FBXW5: variants seen among roughly 807,000 people sequenced by gnomAD.
The protein encoded by FBXW5 is F-box/WD repeat-containing protein 5.
A neutral mutation model predicts 50.9 loss-of-function variants in FBXW5; 74 were observed. The ratio of observed to expected loss-of-function variants is 1.45; its 90% CI spans 1.20 to 1.76. The LOEUF (loss-of-function observed/expected upper bound fraction) is 1.76. Among genes scored for constraint, FBXW5 ranks in the 40% most tolerant of loss-of-function variants. The pLI, the probability that FBXW5 is intolerant of heterozygous loss-of-function variation, is 0.00. For missense variants in FBXW5, 1,073 were observed against 818.8 expected, an observed-to-expected ratio of 1.31 and a Z score of -3.79; for synonymous variants, 523 against 362.2, an observed-to-expected ratio of 1.44 and a Z score of -5.04.
intron 1 of FBXW5, 173 bp from the exon 2 acceptor site, chr9:136,944,279 G>C (rs1168764294): frequency 7.9e-6 from 6 of 758,140 alleles, no homozygotes; most frequent in Non-Finnish European, 1.1e-5. Flanking sequence ...CGGGCGGGCC[G>C]GGCCGGCCCC....
At position 136,941,394 on chromosome 9, in the gene FBXW5, T is replaced by G; in HGVS notation, c.1314A>C (p.Pro438=). ...AVVADPMQPP[P]IAEEIDLLVF... ...CCAGCAGGTCAATCTCCTCCGCGATTGGTGGCGGCTGCATGGGGTCGGCCA... is the reference window on the plus strand; with the variant it reads ...CCAGCAGGTCAATCTCCTCCGCGATGGGTGGCGGCTGCATGGGGTCGGCCA... Residue 438 remains proline, a synonymous_variant, in exon 8 of 9, where the codon CCA becomes CCC. Transcript: ENST00000325285. 1 of 1,611,236 alleles carries G rather than the reference T, an allele frequency of 6.2e-7. No individual in the cohort carries two copies. The highest frequency in any genetic ancestry group is 8.5e-7 in the Non-Finnish European group (1 of 1,179,886).
chr9:136,941,206 C>T, intron 8 of FBXW5, 35 bp from the exon 9 acceptor site: 2 of 1,598,032 alleles, frequency 1.3e-6, no homozygotes, highest in Non-Finnish European at 1.7e-6. Context: ...CGGCCGCCCG[C>T]CCGCTGCTGC....
rs757697988 is a variant in FBXW5 at position 136,941,604 on chromosome 9, CGAA to C, written c.1174_1176del (p.Phe392del). Reference sequence around the variant, plus strand: ...ATGTCTATGACGTGGTCCAGCGCGTCGAAGAAGGCATCGGAGCCCCGGCCCTCA... The same window carrying C: ...ATGTCTATGACGTGGTCCAGCGCGTCGAAGGCATCGGAGCCCCGGCCCTCA... On this transcript the variant is annotated inframe_deletion, in exon 7 of 9. Coordinates refer to ENST00000325285, the MANE Select transcript of FBXW5 (RefSeq NM_018998.4). The C allele has an allele frequency of 3.7e-6, 6 of 1,600,728 alleles. No individual in the cohort carries two copies. The African/African-American group carries it at 5.4e-5, about 14-fold the overall frequency.
At position 136,941,361 on chromosome 9, in the gene FBXW5, G is replaced by A; in HGVS notation, c.1347C>T (p.Asp449=). 1.2e-6 allele frequency: 2 copies of A among 1,611,710 alleles called. No individual in the cohort carries two copies. The highest frequency in any genetic ancestry group is 1.3e-5 in the African/African-American group (1 of 75,052). ...IAEEIDLLVF[D]LKTMREVRRA... ...GCCTCACCTCCCGCATGGTCTTGAG[G>A]TCGAACACCAGCAGGTCAATCTCCT... is the stretch of plus-strand genomic sequence containing the variant. The change falls in exon 8 of 9, where the codon GAC becomes GAT. Residue 449 remains aspartate (D), a synonymous_variant. Coordinates refer to ENST00000325285, the MANE Select transcript of FBXW5 (RefSeq NM_018998.4).
chr9:136,943,274 G>C, intron 3 of FBXW5, 75 bp downstream of exon 3: 1 of 1,373,628 alleles, frequency 7.3e-7, no homozygotes, highest in East Asian at 2.3e-5. Flanking sequence ...CCACCTGGTT[G>C]GAACGCCTGG....
chr9:136,943,087 A>C (rs890868807), intron 3 of FBXW5, 144 bp from the exon 4 acceptor site: 27 of 1,317,720 alleles, frequency 2.0e-5, no homozygotes, highest in African/African-American at 2.9e-5. Flanking sequence ...ACTGTCATCC[A>C]CTCGGGGGGC....
chr9:136,943,539 G>T (rs200304281), intron 2 of FBXW5, 33 bp from the exon 3 acceptor site: 1 of 1,584,288 alleles, frequency 6.3e-7, no homozygotes, highest in Non-Finnish European at 8.6e-7. Context: ...CCTGGGCCCG[G>T]GCCTTCCTCG....
chr9:136,944,428 G>A (rs1438304485), intron 1 of FBXW5, 166 bp downstream of exon 1: 2 of 884,254 alleles, frequency 2.3e-6, no homozygotes, highest in Admixed American at 6.0e-5. Flanking sequence ...GGAAGCTCGG[G>A]GCGGCCAGGC....
At position 136,942,703 on chromosome 9, in the gene FBXW5, G is replaced by A; in HGVS notation, c.527-8C>T. 6.2e-7 allele frequency: 1 copy of A among 1,611,024 alleles called. No homozygotes were observed. On this transcript the variant is annotated splice_polypyrimidine_tract_variant and splice_region_variant and intron_variant, in intron 4 of 8. Transcript: ENST00000325285. ...ACAGCAGCGCGAAGGAGTCTGTGGG[G>A]AGGCCGGGGCTGGACAGGCTGTCGG...
rs780820222 is a variant in FBXW5, at chr9:136,943,439, C to A, written c.261G>T (p.Thr87=). Residue 87 remains threonine, a synonymous_variant, in exon 3 of 9, where the codon ACG becomes ACT. Coordinates refer to ENST00000325285, the MANE Select transcript of FBXW5 (RefSeq NM_018998.4). ...YDTVPCVEVQ[T]LREHTDQVLH... is the part of the protein sequence containing the mutation. The stretch of plus-strand genomic sequence containing the variant: ...GGACCTGGTCTGTGTGTTCCCGCAG[C>A]GTCTGCACCTCCACGCAGGGCACCG... 2.5e-6 allele frequency: 4 copies of A among 1,612,714 alleles called. No homozygotes were observed. Among genetic ancestry groups the A allele is most frequent in the Non-Finnish European group, 3.4e-6 (4 of 1,179,952 alleles).
At chr9:136,942,739 G>T (rs566561880) in intron 4 of FBXW5, 30 bp downstream of exon 4, 1 of 1,611,832 alleles carries the variant, frequency 6.2e-7, no homozygotes, top group East Asian at 2.2e-5. Context: ...CGTGGGGCGG[G>T]GGCAGGGTCA....
In FBXW5 at chr9:136,943,974, T is replaced by C. The variant is rs1850923816; in HGVS notation, c.110A>G (p.Gln37Arg). Reference protein sequence around the residue: ...LAAGLVCRQWQAVSRDEFLWR... With the variant: ...LAAGLVCRQWRAVSRDEFLWR... ...CAGGAACTCGTCCCGCGACACGGCC[T>C]GCCATTGGCGGCACACCAGCCCGGC... The change falls in exon 2 of 9, where the codon CAG becomes CGG. Residue 37 changes from glutamine to arginine, a missense_variant. By Grantham distance (43) the Gln-to-Arg change is conservative. Transcript: ENST00000325285. 2 of 1,577,040 alleles carry C rather than the reference T, an allele frequency of 1.3e-6. No homozygotes were observed. The highest frequency in any genetic ancestry group is 1.7e-6 in the Non-Finnish European group (2 of 1,162,596).
At position 136,942,604 on chromosome 9, in the gene FBXW5, C is replaced by G; in HGVS notation, c.618G>C (p.Leu206=). The part of the protein sequence containing the change: ...LTETSLISGN[L]HRIGDITSCS... ...AGGAGGTGATATCTCCGATGCGGTG[C>G]AGGTTCCCCGAGATGAGGCTGGTCT... is the stretch of plus-strand genomic sequence containing the variant. The change falls in exon 5 of 9, where the codon CTG becomes CTC. Residue 206 remains leucine (L), a synonymous_variant. Coordinates refer to ENST00000325285, the MANE Select transcript of FBXW5 (RefSeq NM_018998.4). 6.2e-7 allele frequency: 1 copy of G among 1,610,970 alleles called. No individual in the cohort carries two copies. Among genetic ancestry groups the G allele is most frequent in the Non-Finnish European group, 8.5e-7 (1 of 1,179,152 alleles).
In FBXW5 at chr9:136,942,654, C is replaced by T. The variant is rs1850831839; in HGVS notation, c.568G>A (p.Asp190Asn). 6.2e-7 allele frequency: 1 copy of T among 1,610,076 alleles called. No homozygotes were observed. The highest frequency in any genetic ancestry group is 2.2e-5 in the East Asian group (1 of 44,754). ...TCGGTGAGCCAACAGCCAAACACGT[C>T]ATAGGGCTTGTTCCGCACGCGGGAC... ...LLSRVRNKPYDVFGCWLTETS... is the reference protein window; with the variant it reads ...LLSRVRNKPYNVFGCWLTETS... Residue 190 changes from aspartate to asparagine, a missense_variant, in exon 5 of 9, where the codon GAC (aspartate) becomes AAC (asparagine). Transcript: ENST00000325285.
At position 136,944,410 on chromosome 9, in the gene FBXW5, C is replaced by T. The variant is rs528579036; in HGVS notation, c.-24+184G>A. 1.3e-3 allele frequency: 1,045 copies of T among 830,426 alleles called. 12 individuals are homozygous for T. The African/African-American group carries it at 0.016, about 12-fold the overall frequency. 51.4% of individuals were successfully genotyped at this position (830,426 alleles called of 1,614,324 possible). On this transcript the variant is annotated intron_variant, in intron 1 of 8. Transcript: ENST00000325285. ...CAGGCGCCGTCCGGGGACGGGCTTC[C>T]GCCGAGAGGAAGCTCGGGGCGGCCA... is the stretch of plus-strand genomic sequence containing the variant.
chr9:136,941,531 G>A lies in FBXW5; in HGVS notation c.1244+6C>T, dbSNP rs376744591. 74 of 1,609,368 alleles carry A rather than the reference G, an allele frequency of 4.6e-5. No individual in the cohort carries two copies. The highest frequency in any genetic ancestry group is 3.3e-4 in the Middle Eastern group (2 of 6,080). On this transcript the variant is annotated splice_donor_region_variant and intron_variant, in intron 7 of 8. Transcript: ENST00000325285. ...ACCCCGCCTGGGACACTGGCAAGAG[G>A]CCCACCTGTTGTCGGGCGACAGGCC...
At position 136,940,859 on chromosome 9, in the gene FBXW5, C is replaced by T. The variant is rs916026710; in HGVS notation, c.*69G>A. ...TATAAGCATCTCCACCTCTCCCGCT[C>T]GGGAAAAAGCCACAGAGCCTGGCGA... On this transcript the variant is annotated 3_prime_UTR_variant, in exon 9 of 9. Coordinates refer to ENST00000325285, the MANE Select transcript of FBXW5 (RefSeq NM_018998.4). 2.0e-5 allele frequency: 31 copies of T among 1,519,902 alleles called. No individual in the cohort carries two copies. Among genetic ancestry groups the T allele is most frequent in the Admixed American group, 7.9e-5 (4 of 50,588 alleles). The allele number at this position is 1,519,902 out of a possible 1,614,324, so 94.2% of individuals were successfully genotyped here. A position where few individuals can be genotyped will look rare whatever the true frequency, so the allele number is the denominator to read the frequency against.
intron 3 of FBXW5, 140 bp downstream of exon 3, chr9:136,943,209 C>T: frequency 8.2e-7 from 1 of 1,213,640 alleles, no homozygotes; most frequent in South Asian, 1.4e-5. Context: ...GGTCCCTCCG[C>T]TGGATGCAGG....
Position 136,940,596 on chromosome 9 carries a change from A to G in FBXW5, c.*332T>C, listed in dbSNP as rs1588455897. ...ACTGGGCCACCGTCCAGGGCCCCAC[A>G]GGACCAGCCGAAGGTGCCCCGGGCC... On this transcript the variant is annotated 3_prime_UTR_variant, in exon 9 of 9. Coordinates refer to ENST00000325285, the MANE Select transcript of FBXW5 (RefSeq NM_018998.4). 2.8e-6 allele frequency: 1 copy of G among 357,528 alleles called. No individual in the cohort carries two copies. Among genetic ancestry groups the G allele is most frequent in the Non-Finnish European group, 5.4e-6 (1 of 186,244 alleles). The allele number at this position is 357,528 out of a possible 1,614,324, so 22.1% of individuals were successfully genotyped here.
Sources: allele counts gnomAD v4.1 joint callset, GRCh38; gene constraint gnomAD v4.1.1; transcripts MANE v1.5; gene names NCBI Gene and HGNC (gene_info 2026-07-23, HGNC 2026-07-21).